Variants in CHN2 observed in about 807,000 individuals in gnomAD.
CHN2 encodes the protein chimerin 2, also known as beta-chimaerin.
Under a neutral mutation model 56.3 loss-of-function variants are expected in CHN2, and 35 were observed. The ratio of observed to expected loss-of-function variants is 0.62; its 90% confidence interval spans 0.47 to 0.82. The LOEUF is 0.82. Ranked by LOEUF, CHN2 falls within the 40% of genes least tolerant of loss-of-function variation. The pLI is 0.00. For synonymous variants in CHN2, 210 were observed against 212.8 expected (o/e 0.99, Z 0.12); for missense variants, 491 against 580.5 (o/e 0.85, Z 1.58).
At chr7:29,336,961 C>G (rs1796675208) in intron 1 of CHN2, among the ~76,000 whole-genome samples, 2 of 152,044 alleles carry the variant, frequency 1.3e-5, no homozygotes, top group South Asian at 4.1e-4. Flanking sequence ...TGTTAGCTTC[C>G]CATTCGCCCC....
rs771339689 is a variant in CHN2, at chr7:29,393,676, T to C, written c.145-3T>C. 3 of 898,276 alleles carry C rather than the reference T, an allele frequency of 3.3e-6. No individual in the cohort carries two copies. The highest frequency in any genetic ancestry group is 4.9e-6 in the Non-Finnish European group (3 of 611,068). 55.6% of individuals were successfully genotyped at this position (898,276 alleles called of 1,614,324 possible). On this transcript the variant is annotated splice_region_variant and splice_polypyrimidine_tract_variant and intron_variant, in intron 3 of 12. Transcript: ENST00000222792. ...TATTAATTTTTTTTTCTTTTTAATA[T>C]AGGTGGAAAACAGACCAAAATATTA...
In CHN2 at chr7:29,356,445, C is replaced by T. The variant is rs535805095; in HGVS notation, c.88+1782C>T. ...AAAAATTTCCCAACATCCACAAATT[C>T]CCCACCCCATATTCCAGTCCACTCT... On this transcript the variant is annotated intron_variant, in intron 2 of 12. Coordinates refer to ENST00000222792, the MANE Select transcript of CHN2 (RefSeq NM_004067.4). 6.6e-5 allele frequency among the ~76,000 whole-genome samples: 10 copies of T among 152,244 alleles called. No individual in the cohort carries two copies. In the East Asian group the frequency reaches 1.9e-3, roughly 29 times the overall value.
intron 3 of CHN2, among the ~76,000 whole-genome samples, chr7:29,383,234 ATG>A (rs1287563086): frequency 1.3e-5 from 2 of 151,932 alleles, no homozygotes; most frequent in African/African-American, 2.4e-5. Flanking sequence ...ATGTGTGTGT[ATG>A]TGTGTGTGTG....
At chr7:29,374,291 C>A (rs905976782) in intron 3 of CHN2, among the ~76,000 whole-genome samples, 2 of 151,990 alleles carry the variant, frequency 1.3e-5, no homozygotes, top group Admixed American at 6.6e-5. Context: ...TGGGTTTAGA[C>A]CTGATGTAGT....
At chr7:29,406,710 G>A (rs1019568442) in intron 6 of CHN2, among the ~76,000 whole-genome samples, 46 of 152,242 alleles carry the variant, frequency 3.0e-4, no homozygotes, top group African/African-American at 1.1e-3. Context: ...AGAAATGCAC[G>A]TTCCCAGGAG....
At chr7:29,307,529 T>C (rs939384778) in intron 1 of CHN2, among the ~76,000 whole-genome samples, 5 of 152,232 alleles carry the variant, frequency 3.3e-5, no homozygotes, top group Non-Finnish European at 7.3e-5. Flanking sequence ...GTAAGATTGC[T>C]AACCAGGTGA....
upstream of CHN2, chr7:29,192,453 C>T (rs919444624): frequency 1.3e-5 from 2 of 152,194 alleles, no homozygotes; most frequent in Non-Finnish European, 2.9e-5. Context: ...ATAATGAAAC[C>T]TGTTACCCTA....
chr7:29,148,777 T>C (rs567621874), intron 2 of CHN2: 1 of 151,886 alleles, frequency 6.6e-6, no homozygotes, highest in South Asian at 2.1e-4. Flanking sequence ...AGTTTAGTTG[T>C]GGGGAAGGGA....
At chr7:29,211,739 T>G (rs1784974872) in intron 1 of CHN2, among the ~76,000 whole-genome samples, 2 of 152,190 alleles carry the variant, frequency 1.3e-5, no homozygotes, top group South Asian at 4.1e-4. Flanking sequence ...GAACACCCTA[T>G]AGGCCCATAG....
intron 1 of CHN2, among the ~76,000 whole-genome samples, chr7:29,245,425 G>A (rs746987087): frequency 2.6e-5 from 4 of 152,118 alleles, no homozygotes; most frequent in Admixed American, 6.5e-5. Flanking sequence ...TTTTGAATTT[G>A]GGCAAAACAA....
At chr7:29,335,143 C>T (rs547080212) in intron 1 of CHN2, among the ~76,000 whole-genome samples, 1 of 152,260 alleles carries the variant, frequency 6.6e-6, no homozygotes, top group South Asian at 2.1e-4. Context: ...CTTTCTGGAG[C>T]CATCTATTTA....
In CHN2 at chr7:29,252,580, T is replaced by TTTTTTTTTTTGTTTTG. The variant is rs1788676915; in HGVS notation, c.49+57600_49+57601insGTTTTGTTTTTTTTTT. ...GTTTGTCTAAAATTGCATTCTTTGT[T>TTTTTTTTTTTGTTTTG]TTTTTTTTTTTTTTTTTTTTTTTTT... On this transcript the variant is annotated intron_variant, in intron 1 of 12. Transcript: ENST00000222792. 3.8e-4 allele frequency among the ~76,000 whole-genome samples: 6 copies of TTTTTTTTTTTGTTTTG among 15,938 alleles called. No individual in the cohort carries two copies. In the African/African-American group the frequency reaches 4.8e-3, roughly 13 times the overall value. 10.5% of individuals were successfully genotyped at this position (15,938 alleles called of 152,430 possible).
At chr7:29,336,584 C>G (rs1035831790) in intron 1 of CHN2, among the ~76,000 whole-genome samples, 15 of 150,394 alleles carry the variant, frequency 1.0e-4, no homozygotes, top group Non-Finnish European at 3.0e-5. Context: ...ATAGTGAGAC[C>G]CTGTCTCTAC....
intron 1 of CHN2, among the ~76,000 whole-genome samples, chr7:29,247,935 A>G (rs1489236529): frequency 6.6e-6 from 1 of 152,256 alleles, no homozygotes; most frequent in African/African-American, 2.4e-5. Context: ...GCATCATTGC[A>G]TGTGAAACCA....
chr7:29,190,658 C>T (rs1782771298), upstream of CHN2, among the ~76,000 whole-genome samples: 2 of 152,200 alleles, frequency 1.3e-5, no homozygotes, highest in Non-Finnish European at 2.9e-5. Context: ...TTCACCGTTT[C>T]AGTCTTTTTT....
intron 1 of CHN2, among the ~76,000 whole-genome samples, chr7:29,298,890 A>G (rs147080608): frequency 5.2e-4 from 79 of 152,286 alleles, no homozygotes; most frequent in African/African-American, 1.7e-3. Flanking sequence ...AAAAATTATG[A>G]TAGGACTAAG....
At chr7:29,306,004 G>GTA (rs1794129233) in intron 1 of CHN2, among the ~76,000 whole-genome samples, 1 of 151,946 alleles carries the variant, frequency 6.6e-6, no homozygotes, top group Non-Finnish European at 1.5e-5. Flanking sequence ...TGCTGGAATG[G>GTA]TATAGCTAAA....
intron 1 of CHN2, among the ~76,000 whole-genome samples, chr7:29,210,431 A>C (rs1319413280): frequency 4.0e-5 from 6 of 151,780 alleles, no homozygotes; most frequent in Admixed American, 6.6e-5. Context: ...CACACACCCC[A>C]CACACACACC....
chr7:29,359,128 C>T lies in CHN2; in HGVS notation c.88+4465C>T, dbSNP rs569776079. On this transcript the variant is annotated intron_variant, in intron 2 of 12. Transcript: ENST00000222792. ...TCTCAGTCTTAATTGACCTGGGTTACCCATTCCTGACTCTATCACTGTGGT... is the reference window on the plus strand; with the variant it reads ...TCTCAGTCTTAATTGACCTGGGTTATCCATTCCTGACTCTATCACTGTGGT... 3.9e-5 allele frequency among the ~76,000 whole-genome samples: 6 copies of T among 152,266 alleles called. No individual in the cohort carries two copies. The South Asian group carries it at 1.2e-3, about 32-fold the overall frequency.
Sources: allele counts gnomAD v4.1 joint callset (sites outside exome capture counted in the v4.1 genomes callset), GRCh38; gene constraint gnomAD v4.1.1; transcripts MANE v1.5; gene names NCBI Gene and HGNC (gene_info 2026-07-23, HGNC 2026-07-21).